MME: variants seen among roughly 807,000 people sequenced by gnomAD.
The protein encoded by MME is membrane metalloendopeptidase, also known as neprilysin.
A neutral mutation model predicts 113.2 loss-of-function variants in MME; 98 were observed. The observed-to-expected ratio is 0.87, with a 90% confidence interval of 0.74 to 1.02. MME has a LOEUF of 1.02. MME is among the 50% of genes least tolerant of loss of function. MME has a pLI of 0.00. For synonymous variants in MME, 292 were observed against 300.6 expected (o/e 0.97, Z 0.30); for missense variants, 836 against 896.0 (o/e 0.93, Z 0.86).
chr3:155,152,841 A>G (rs1160220915), intron 16 of MME, among the ~76,000 whole-genome samples: 1 of 151,840 alleles, frequency 6.6e-6, no homozygotes, highest in Admixed American at 6.6e-5. Flanking sequence ...ACTCCGTCTC[A>G]AAGAAAAAAA....
chr3:155,105,388 G>A (rs1289369399), intron 3 of MME, among the ~76,000 whole-genome samples: 1 of 152,168 alleles, frequency 6.6e-6, no homozygotes, highest in African/African-American at 2.4e-5. Flanking sequence ...AATGTCATTT[G>A]GAGTTAAGGC....
chr3:155,113,418 T>C (rs1718347882), intron 3 of MME, among the ~76,000 whole-genome samples: 1 of 152,194 alleles, frequency 6.6e-6, no homozygotes, highest in African/African-American at 2.4e-5. Context: ...TAGCTGGGAC[T>C]ACAGGTGCCT....
rs1718671867 is a variant in MME at position 155,116,939 on chromosome 3, T to C, written c.607T>C (p.Leu203=). ...SKYGKKVLIN[L]FVGTDDKNSV... is the part of the protein sequence containing the mutation. ...ATATGGGAAAAAAGTCCTTATTAAT[T>C]TGTTTGTTGGCACTGATGATAAGAA... is the stretch of plus-strand genomic sequence containing the variant. Residue 203 remains leucine (L), a synonymous_variant, in exon 7 of 23, where the codon TTG becomes CTG. Transcript: ENST00000360490. 3 of 1,611,054 alleles carry C rather than the reference T, an allele frequency of 1.9e-6. No homozygotes were observed. Among genetic ancestry groups the C allele is most frequent in the Non-Finnish European group, 2.5e-6 (3 of 1,177,564 alleles).
intron 8 of MME, among the ~76,000 whole-genome samples, chr3:155,133,062 A>AAATATATATATATATATATAT (rs1553762419): frequency 1.3e-4 from 10 of 75,074 alleles, no homozygotes; most frequent in African/African-American, 3.3e-4. Flanking sequence ...AAAAAAAAAA[A>AAATATATATATATATATATAT]ATATATATAT....
At chr3:155,144,574 T>A in intron 14 of MME, 117 bp downstream of exon 14, 1 of 687,180 alleles carries the variant, frequency 1.5e-6, no homozygotes, top group Non-Finnish European at 2.6e-6. Flanking sequence ...TGTAAGCTCC[T>A]TCAATATGTA....
chr3:155,118,881 A>T, intron 8 of MME, 70 bp downstream of exon 8: 1 of 1,019,940 alleles, frequency 9.8e-7, no homozygotes, highest in African/African-American at 1.6e-5. Context: ...GTAATGAAAA[A>T]GATAAAGCCA....
At chr3:155,101,103 C>T (rs75560985) in intron 3 of MME, among the ~76,000 whole-genome samples, 174 of 152,190 alleles carry the variant, frequency 1.1e-3, no homozygotes, top group African/African-American at 3.9e-3. Flanking sequence ...CTCTTCCTCC[C>T]GTTCTTGCCA....
At chr3:155,116,450 G>T in intron 4 of MME, 29 bp from the exon 5 acceptor site, 3 of 1,453,298 alleles carry the variant, frequency 2.1e-6, no homozygotes, top group South Asian at 1.1e-5. Flanking sequence ...CAATTATGTT[G>T]ATGCATTTTA....
At chr3:155,122,294 T>G (rs1178823904) in intron 8 of MME, among the ~76,000 whole-genome samples, 1 of 151,820 alleles carries the variant, frequency 6.6e-6, no homozygotes, top group Non-Finnish European at 1.5e-5. Flanking sequence ...TGTGTCTATT[T>G]GATTCTTCTC....
chr3:155,076,772 C>T (rs1456732952), upstream of MME, among the ~76,000 whole-genome samples: 1 of 152,208 alleles, frequency 6.6e-6, no homozygotes, highest in Non-Finnish European at 1.5e-5. Flanking sequence ...TTTCCTGGAA[C>T]TGAGGGTCCC....
At position 155,165,124 on chromosome 3, in the gene MME, T is replaced by G. The variant is rs187598715; in HGVS notation, c.1661-1778T>G. Among the ~76,000 whole-genome samples the G allele has an allele frequency of 2.0e-4, 30 of 152,220 alleles. No individual in the cohort carries two copies. The East Asian group carries it at 5.8e-3, about 29-fold the overall frequency. On this transcript the variant is annotated intron_variant, in intron 17 of 22. Coordinates refer to ENST00000360490, the MANE Select transcript of MME (RefSeq NM_007289.4). ...CCAGGGCTTTGCACTTAATAGGTATTGATACTGAAGGGTTTTTTTTTAATT... is the reference window on the plus strand; with the variant it reads ...CCAGGGCTTTGCACTTAATAGGTATGGATACTGAAGGGTTTTTTTTTAATT...
chr3:155,025,491 G>T (rs1332267085), intron 1 of MME, among the ~76,000 whole-genome samples: 2 of 151,212 alleles, frequency 1.3e-5, no homozygotes, highest in Non-Finnish European at 2.9e-5. Flanking sequence ...GGGCATCGTG[G>T]CAGGCACCTG....
chr3:155,163,012 CAAAA>C (rs57700088), intron 17 of MME, among the ~76,000 whole-genome samples: 1 of 78,284 alleles, frequency 1.3e-5, no homozygotes, highest in East Asian at 4.2e-4. Context: ...AACTCTGTCT[CAAAA>C]AAAAAAAAAA....
In MME at chr3:155,063,361, TTA is replaced by T. The variant is rs533824793; in HGVS notation, c.-10-20789_-10-20788del. Among the ~76,000 whole-genome samples, 134 of 106,496 alleles carry T rather than the reference TTA, an allele frequency of 1.3e-3. 2 individuals carry two copies. In the East Asian group the frequency reaches 0.018, roughly 14 times the overall value. 69.9% of individuals were successfully genotyped at this position (106,496 alleles called of 152,430 possible). On this transcript the variant is annotated intron_variant, in intron 1 of 22. Coordinates refer to the MME transcript ENST00000492661. ...TATAATTATATAATGTATATTATAT[TTA>T]TATATATTTATATATAAATATATAT...
intron 8 of MME, among the ~76,000 whole-genome samples, chr3:155,137,231 G>T (rs1170931278): frequency 6.6e-6 from 1 of 152,124 alleles, no homozygotes; most frequent in Non-Finnish European, 1.5e-5. Context: ...AGCTATTTAT[G>T]GAATTAACTA....
chr3:155,133,915 T>C (rs912969281), intron 8 of MME, among the ~76,000 whole-genome samples: 3 of 150,748 alleles, frequency 2.0e-5, no homozygotes, highest in Admixed American at 6.6e-5. Flanking sequence ...TAAAGGTCGA[T>C]TGATTTATAT....
intron 1 of MME, among the ~76,000 whole-genome samples, chr3:155,053,976 A>G (rs1713846004): frequency 6.6e-6 from 1 of 152,216 alleles, no homozygotes; most frequent in African/African-American, 2.4e-5. Context: ...CCCTATGGAA[A>G]TGAAAATGTT....
chr3:155,108,457 A>G (rs1351691223), intron 3 of MME, among the ~76,000 whole-genome samples: 1 of 151,940 alleles, frequency 6.6e-6, no homozygotes, highest in Non-Finnish European at 1.5e-5. Context: ...TTAGCCAAGC[A>G]TGGTGGCGGG....
intron 10 of MME, among the ~76,000 whole-genome samples, chr3:155,141,558 A>G (rs780443597): frequency 6.6e-6 from 1 of 152,196 alleles, no homozygotes; most frequent in Non-Finnish European, 1.5e-5. Flanking sequence ...ATTTTCATCT[A>G]TAATAGGATT....
Sources: allele counts gnomAD v4.1 joint callset (sites outside exome capture counted in the v4.1 genomes callset), GRCh38; gene constraint gnomAD v4.1.1; transcripts MANE v1.5; gene names NCBI Gene and HGNC (gene_info 2026-07-23, HGNC 2026-07-21).